DLC1: variants seen among roughly 807,000 people sequenced by gnomAD.
DLC1 encodes DLC1 Rho GTPase activating protein.
Under a neutral mutation model 140.3 loss-of-function variants are expected in DLC1, and 54 were observed. That is an observed-to-expected ratio of 0.38 (90% CI 0.31 to 0.48). The LOEUF (loss-of-function observed/expected upper bound fraction) is 0.48. Among genes scored for constraint, DLC1 ranks in the 20% least tolerant of loss-of-function variants. The probability of loss-of-function intolerance (pLI) is 0.96; values close to 1 mark genes in which losing one functional copy is unlikely to be tolerated. For missense variants in DLC1, 2,536 were observed against 1,907.0 expected, an observed-to-expected ratio of 1.33 and a Z score of -6.14; for synonymous variants, 986 against 728.1, an observed-to-expected ratio of 1.35 and a Z score of -5.70.
intron 2 of DLC1, among the ~76,000 whole-genome samples, chr8:13,413,872 C>T (rs939571539): frequency 6.6e-6 from 1 of 152,126 alleles, no homozygotes; most frequent in African/African-American, 2.4e-5. Context: ...CAAGTAGTAT[C>T]TGTATAGCAA....
chr8:13,127,958 G>A lies in DLC1; in HGVS notation c.1349-12301C>T, dbSNP rs111260893. On this transcript the variant is annotated intron_variant, in intron 5 of 17. Coordinates refer to ENST00000276297, the MANE Select transcript of DLC1 (RefSeq NM_182643.3). The stretch of plus-strand genomic sequence containing the variant: ...TGATTTTTCCCCGACGGGGGAAGGG[G>A]TAGACACCAAAAGGCACCAAGTAGA... 8.8e-4 allele frequency among the ~76,000 whole-genome samples: 134 copies of A among 152,088 alleles called. 1 individual carries two copies. Among genetic ancestry groups the A allele is most frequent in the Middle Eastern group, 3.4e-3 (1 of 294 alleles).
At chr8:13,187,043 G>T (rs746882285) in intron 5 of DLC1, among the ~76,000 whole-genome samples, 22 of 152,168 alleles carry the variant, frequency 1.4e-4, no homozygotes, top group Non-Finnish European at 2.2e-4. Context: ...TCCTCTGGAA[G>T]CTTCGTGCCA....
chr8:13,536,706 C>T (rs117708623), intron 1 of DLC1, among the ~76,000 whole-genome samples: 1,882 of 152,254 alleles, frequency 0.012, 21 homozygotes, highest in Middle Eastern at 0.024. Context: ...AAGTAATAGG[C>T]CAGCCTTGTA....
chr8:13,315,999 A>G (rs1231094649), intron 4 of DLC1, among the ~76,000 whole-genome samples: 3 of 152,238 alleles, frequency 2.0e-5, no homozygotes, highest in African/African-American at 7.2e-5. Flanking sequence ...CTGAAAGACT[A>G]CTAAGTGATA....
At chr8:13,476,559 C>G (rs927863167) in intron 2 of DLC1, among the ~76,000 whole-genome samples, 1 of 151,464 alleles carries the variant, frequency 6.6e-6, no homozygotes, top group Non-Finnish European at 1.5e-5. Flanking sequence ...GGGAGCTAAC[C>G]AGGCAGGATG....
intron 2 of DLC1, among the ~76,000 whole-genome samples, chr8:13,406,762 G>T (rs1837582520): frequency 6.6e-6 from 1 of 152,178 alleles, no homozygotes; most frequent in Admixed American, 6.5e-5. Flanking sequence ...GACTAGGCAA[G>T]TGCTTCTGTG....
At chr8:13,169,875 A>G (rs1185359326) in intron 5 of DLC1, among the ~76,000 whole-genome samples, 1 of 150,300 alleles carries the variant, frequency 6.7e-6, no homozygotes, top group African/African-American at 2.5e-5. Flanking sequence ...AAAAAGCCAG[A>G]TGCGGTGGCT....
At chr8:13,584,790 T>C (rs1585303638) in intron 1 of DLC1, among the ~76,000 whole-genome samples, 1 of 152,272 alleles carries the variant, frequency 6.6e-6, no homozygotes, top group South Asian at 2.1e-4. Context: ...AGAAACTTTC[T>C]TGGAACTGTG....
chr8:13,479,871 G>GAGAA (rs1800631089), intron 2 of DLC1, among the ~76,000 whole-genome samples: 2 of 42,644 alleles, frequency 4.7e-5, no homozygotes, highest in African/African-American at 1.1e-4. Flanking sequence ...GAAAAAGAAA[G>GAGAA]AAAGAAAGAA....
chr8:13,098,463 A>C lies in DLC1; in HGVS notation c.3103T>G (p.Ser1035Ala). 1 of 1,614,182 alleles carries C rather than the reference A, an allele frequency of 6.2e-7. No individual in the cohort carries two copies. The highest frequency in any genetic ancestry group is 8.5e-7 in the Non-Finnish European group (1 of 1,180,022). Residue 1035 changes from serine (S) to alanine (A), a missense_variant, in exon 10 of 18, where the codon TCA (serine) becomes GCA (alanine). Physicochemically the swap from Ser to Ala is moderately conservative, Grantham distance 99 (BLOSUM62 1). Coordinates refer to ENST00000276297, the MANE Select transcript of DLC1 (RefSeq NM_182643.3). ...AGCAGGGCCGTTAGCTTTAGGAGTG[A>C]GTATTTCTGCAGCAGGTTCATCTGG... The part of the protein sequence containing the change: ...VAQMNLLQKY[S>A]LLKLTALLEK...
At chr8:13,280,877 A>T (rs1831341828) in intron 5 of DLC1, among the ~76,000 whole-genome samples, 1 of 152,228 alleles carries the variant, frequency 6.6e-6, no homozygotes, top group Non-Finnish European at 1.5e-5. Context: ...AAAGAAAATG[A>T]TTATAACCCC....
At chr8:13,302,302 C>G (rs1157889534) in intron 5 of DLC1, among the ~76,000 whole-genome samples, 1 of 152,218 alleles carries the variant, frequency 6.6e-6, no homozygotes, top group East Asian at 1.9e-4. Context: ...TTGTTCATAA[C>G]TGCTTCCTCA....
At chr8:13,185,304 G>C (rs1461605105) in intron 5 of DLC1, among the ~76,000 whole-genome samples, 3 of 138,684 alleles carry the variant, frequency 2.2e-5, no homozygotes, top group African/African-American at 5.4e-5. Context: ...TTGTTTGTTT[G>C]TTTGTTTGTT....
chr8:13,095,373 A>C, intron 10 of DLC1, 128 bp from the exon 11 acceptor site: 1 of 1,155,494 alleles, frequency 8.7e-7, no homozygotes, highest in Non-Finnish European at 1.2e-6. Context: ...ACTTAAATTT[A>C]AATTAAACAA....
intron 2 of DLC1, among the ~76,000 whole-genome samples, chr8:13,492,286 T>C (rs1262806056): frequency 6.6e-6 from 1 of 152,096 alleles, no homozygotes; most frequent in Non-Finnish European, 1.5e-5. Flanking sequence ...ATCAGCTGTA[T>C]AATCTCTGGA....
intron 1 of DLC1, among the ~76,000 whole-genome samples, chr8:13,509,635 A>C (rs1802264318): frequency 6.6e-6 from 1 of 152,220 alleles, no homozygotes; most frequent in South Asian, 2.1e-4. Context: ...GTTACTTAGA[A>C]GCTATCTCCT....
intron 4 of DLC1, among the ~76,000 whole-genome samples, chr8:13,316,695 T>C (rs754001103): frequency 5.7e-4 from 87 of 152,094 alleles, no homozygotes; most frequent in Admixed American, 2.4e-3. Flanking sequence ...TCATTGGTTT[T>C]CTTAGGGCAG....
At chr8:13,601,040 T>C (rs1420006013) in intron 1 of DLC1, among the ~76,000 whole-genome samples, 1 of 151,898 alleles carries the variant, frequency 6.6e-6, no homozygotes, top group African/African-American at 2.4e-5. Context: ...TTTTTAAAAA[T>C]GGTTATCTAC....
chr8:13,477,695 C>G (rs1043572546), intron 2 of DLC1, among the ~76,000 whole-genome samples: 2 of 152,094 alleles, frequency 1.3e-5, no homozygotes, highest in Non-Finnish European at 2.9e-5. Context: ...CATATCACTT[C>G]TACATGCTGA....
Sources: allele counts gnomAD v4.1 joint callset (sites outside exome capture counted in the v4.1 genomes callset), GRCh38; gene constraint gnomAD v4.1.1; transcripts MANE v1.5; gene names NCBI Gene and HGNC (gene_info 2026-07-23, HGNC 2026-07-21).